Variants in ANKS1B observed in about 807,000 individuals in gnomAD.
ANKS1B encodes the protein ankyrin repeat and sterile alpha motif domain containing 1B.
Under a neutral mutation model 148.3 loss-of-function variants are expected in ANKS1B, and 36 were observed. The observed-to-expected ratio is 0.24, with a 90% CI of 0.19 to 0.32. The LOEUF is 0.32. ANKS1B is among the 10% of genes least tolerant of loss of function. ANKS1B has a pLI of 1.00. For synonymous variants in ANKS1B, 542 were observed against 560.8 expected (o/e 0.97, Z 0.47); for missense variants, 1,157 against 1,542.6 (o/e 0.75, Z 4.19).
chr12:99,632,577 C>T (rs1300465090), intron 9 of ANKS1B, among the ~76,000 whole-genome samples: 1 of 151,208 alleles, frequency 6.6e-6, no homozygotes, highest in African/African-American at 2.4e-5. Flanking sequence ...GCCTTGGGGA[C>T]TTAACCCCCA....
chr12:99,737,734 C>T (rs1294221655), intron 8 of ANKS1B, among the ~76,000 whole-genome samples: 1 of 151,958 alleles, frequency 6.6e-6, no homozygotes, highest in Non-Finnish European at 1.5e-5. Context: ...TTCCTATTTC[C>T]CCCCTACCTG....
chr12:99,880,390 C>T lies in ANKS1B; in HGVS notation c.135-55001G>A, dbSNP rs552977325. ...TCAATCTGAAGAAATCTGGTTCCAT[C>T]GTCTTTGATCTTAACCACTTACAAT... On this transcript the variant is annotated intron_variant, in intron 1 of 26. Coordinates refer to ENST00000683438, the MANE Select transcript of ANKS1B (RefSeq NM_001352186.2). Among the ~76,000 whole-genome samples the T allele has an allele frequency of 4.1e-4, 63 of 152,270 alleles. 1 individual carries two copies. The South Asian group carries it at 8.1e-3, about 20-fold the overall frequency.
chr12:99,281,829 T>G (rs1300690890), intron 12 of ANKS1B, among the ~76,000 whole-genome samples: 2 of 152,180 alleles, frequency 1.3e-5, no homozygotes, highest in Non-Finnish European at 2.9e-5. Context: ...ATTAAACAAG[T>G]GTGTACTGAG....
intron 1 of ANKS1B, among the ~76,000 whole-genome samples, chr12:99,972,719 G>A (rs2095574753): frequency 6.6e-6 from 1 of 152,192 alleles, no homozygotes; most frequent in South Asian, 2.1e-4. Context: ...AATTGATAAA[G>A]GTGACTACAC....
At chr12:99,926,696 T>C (rs1232759292) in intron 1 of ANKS1B, among the ~76,000 whole-genome samples, 1 of 152,206 alleles carries the variant, frequency 6.6e-6, no homozygotes, top group African/African-American at 2.4e-5. Context: ...CATATGCACA[T>C]ATCCTATTGG....
At chr12:99,620,636 G>A (rs1214102800) in intron 9 of ANKS1B, among the ~76,000 whole-genome samples, 4 of 152,014 alleles carry the variant, frequency 2.6e-5, no homozygotes, top group African/African-American at 9.7e-5. Flanking sequence ...CAATTGACTC[G>A]ACCAAGCTGA....
Position 98,745,483 on chromosome 12 carries a change from A to G in ANKS1B, c.*256T>C, listed in dbSNP as rs576396326. 64 of 1,104,396 alleles carry G rather than the reference A, an allele frequency of 5.8e-5. No homozygotes were observed. In the South Asian group the frequency reaches 7.7e-4, roughly 13 times the overall value. 68.4% of individuals were successfully genotyped at this position (1,104,396 alleles called of 1,614,324 possible). On this transcript the variant is annotated 3_prime_UTR_variant, in exon 27 of 27. Coordinates refer to ENST00000683438, the MANE Select transcript of ANKS1B (RefSeq NM_001352186.2). ...AGAAATACCTTGGGAGGTGGTGGGG[A>G]GGGGAGTCGGGAGCATCAGGGAAAA...
chr12:99,552,025 C>T (rs571746794), intron 9 of ANKS1B, among the ~76,000 whole-genome samples: 41 of 152,132 alleles, frequency 2.7e-4, no homozygotes, highest in Non-Finnish European at 4.7e-4. Context: ...CCTTTTACCT[C>T]TGGGCCTATG....
At chr12:99,655,708 C>T (rs1453648032) in intron 8 of ANKS1B, among the ~76,000 whole-genome samples, 1 of 152,046 alleles carries the variant, frequency 6.6e-6, no homozygotes, top group Non-Finnish European at 1.5e-5. Flanking sequence ...ATGAGACTTC[C>T]ATATTTAGCA....
chr12:99,407,552 G>A (rs1037637867), intron 11 of ANKS1B, among the ~76,000 whole-genome samples: 1 of 145,678 alleles, frequency 6.9e-6, no homozygotes. Context: ...GGGCATCCAA[G>A]TTGAAAAGGA....
chr12:99,258,078 A>G (rs2075488816), intron 12 of ANKS1B, among the ~76,000 whole-genome samples: 1 of 152,234 alleles, frequency 6.6e-6, no homozygotes, highest in Non-Finnish European at 1.5e-5. Context: ...TTATTTAAAA[A>G]TGTACATTTG....
chr12:99,015,125 A>C (rs962516977), intron 17 of ANKS1B, among the ~76,000 whole-genome samples: 1 of 152,240 alleles, frequency 6.6e-6, no homozygotes, highest in African/African-American at 2.4e-5. Context: ...GAATCAACCT[A>C]AATGCCCATG....
At chr12:99,487,238 T>C (rs2152955191) in intron 10 of ANKS1B, among the ~76,000 whole-genome samples, 1 of 152,316 alleles carries the variant, frequency 6.6e-6, no homozygotes, top group South Asian at 2.1e-4. Context: ...AGCTAGACTA[T>C]TATGAATGTT....
intron 1 of ANKS1B, among the ~76,000 whole-genome samples, chr12:99,866,846 A>G (rs1385693334): frequency 6.6e-6 from 1 of 152,208 alleles, no homozygotes; most frequent in Non-Finnish European, 1.5e-5. Context: ...AATTTTATAG[A>G]TAAGGGAATA....
chr12:99,788,317 G>A (rs1023465428), intron 4 of ANKS1B, among the ~76,000 whole-genome samples: 6 of 152,174 alleles, frequency 3.9e-5, no homozygotes, highest in Admixed American at 2.0e-4. Flanking sequence ...ACAGGGCACT[G>A]GGCAGAGTTG....
Position 99,678,880 on chromosome 12 carries a change from GATC to G in ANKS1B, c.1129-23673_1129-23671del, listed in dbSNP as rs2098597426. Among the ~76,000 whole-genome samples the G allele has an allele frequency of 2.6e-5, 4 of 152,162 alleles. No homozygotes were observed. In the South Asian group the frequency reaches 8.3e-4, roughly 32 times the overall value. ...TGGCTTAAAAGAAGAAAACTTAGAT[GATC>G]AACAAGAGTAGTAGAGGTAAAAATA... On this transcript the variant is annotated intron_variant, in intron 8 of 26. Transcript: ENST00000683438.
At chr12:99,412,430 C>T (rs2094741377) in intron 11 of ANKS1B, among the ~76,000 whole-genome samples, 1 of 152,152 alleles carries the variant, frequency 6.6e-6, no homozygotes, top group Admixed American at 6.5e-5. Context: ...CTGTCCACTC[C>T]CTGGCTTTGA....
chr12:99,660,302 C>A (rs1192208963), intron 8 of ANKS1B, among the ~76,000 whole-genome samples: 4 of 151,612 alleles, frequency 2.6e-5, no homozygotes. Context: ...ACGATAAATT[C>A]ATAAATGAGA....
chr12:99,759,842 T>C (rs1394578388), intron 8 of ANKS1B, among the ~76,000 whole-genome samples: 1 of 151,946 alleles, frequency 6.6e-6, no homozygotes, highest in Non-Finnish European at 1.5e-5. Context: ...AGGAAAACAT[T>C]ACAATTAGCT....
Sources: allele counts gnomAD v4.1 joint callset (sites outside exome capture counted in the v4.1 genomes callset), GRCh38; gene constraint gnomAD v4.1.1; transcripts MANE v1.5; gene names NCBI Gene and HGNC (gene_info 2026-07-23, HGNC 2026-07-21).